The following ZNF783 variants were observed in gnomAD, a reference collection of about 807,000 sequenced individuals.
ZNF783 encodes the protein protein ZNF783.
A neutral mutation model predicts 31.3 loss-of-function variants in ZNF783; 25 were observed. The observed-to-expected ratio is 0.80, with a 90% CI of 0.58 to 1.11. The LOEUF (loss-of-function observed/expected upper bound fraction) is 1.11, where lower values mean the gene tolerates loss of function less well. Ranked by LOEUF, ZNF783 falls within the 50% of genes most tolerant of loss-of-function variation. The pLI is 0.00. For missense variants in ZNF783, 797 were observed against 760.0 expected (o/e 1.05, Z -0.57); for synonymous variants, 369 against 319.1 (o/e 1.16, Z -1.66).
Position 149,278,488 on chromosome 7 carries a change from G to A in ZNF783, c.763G>A (p.Asp255Asn), listed in dbSNP as rs1797385907. ...AGGGCAGGCCCCCAAGCAGCAGCAG[G>A]ACTCAGAGGCGAGAGTGGCCCCAGC... Reference protein sequence around the residue: ...KEGQAPKQQQDSEARVAPAGP... With the variant: ...KEGQAPKQQQNSEARVAPAGP... Residue 255 changes from aspartate to asparagine, a missense_variant, in exon 5 of 6, where the codon GAC becomes AAC. By Grantham distance (23) the Asp-to-Asn change is conservative. Transcript: ENST00000434415. The A allele has an allele frequency of 1.3e-6, 2 of 1,599,222 alleles. No individual in the cohort carries two copies. The highest frequency in any genetic ancestry group is 1.7e-6 in the Non-Finnish European group (2 of 1,179,780).
intron 4 of ZNF783, among the ~76,000 whole-genome samples, chr7:149,272,293 A>G (rs1797225987): frequency 6.6e-6 from 1 of 152,190 alleles, no homozygotes; most frequent in Non-Finnish European, 1.5e-5. Flanking sequence ...GAGATTACAT[A>G]TGAGCCACTG....
rs1797100503 is a variant in ZNF783, at chr7:149,267,230, T to C, written c.673+8T>C. On this transcript the variant is annotated splice_region_variant and intron_variant, in intron 4 of 5. Coordinates refer to ENST00000434415, the MANE Select transcript of ZNF783 (RefSeq NM_001195220.2). Reference sequence around the variant, plus strand: ...CAAGGATGATGGGCACTGGTAAGTATAGGAGCCAGATGTGGTTGGGGGGCC... The same window carrying C: ...CAAGGATGATGGGCACTGGTAAGTACAGGAGCCAGATGTGGTTGGGGGGCC... 6.3e-7 allele frequency: 1 copy of C among 1,582,352 alleles called. No individual in the cohort carries two copies. Among genetic ancestry groups the C allele is most frequent in the Middle Eastern group, 1.7e-4 (1 of 5,966 alleles).
At chr7:149,273,552 T>G (rs1220465953) in intron 4 of ZNF783, among the ~76,000 whole-genome samples, 1 of 152,114 alleles carries the variant, frequency 6.6e-6, no homozygotes, top group Non-Finnish European at 1.5e-5. Context: ...TACTTTTTTT[T>G]TTTTTTGAGA....
chr7:149,263,264 A>ATGTGTG (rs1796980472), intron 1 of ZNF783, among the ~76,000 whole-genome samples: 1 of 105,984 alleles, frequency 9.4e-6, no homozygotes, highest in Non-Finnish European at 1.9e-5. Flanking sequence ...ATATATATAT[A>ATGTGTG]CGTGTGTGTG....
chr7:149,263,304 G>GTGTGTGTGTATA (rs1459712064), intron 1 of ZNF783, among the ~76,000 whole-genome samples: 1 of 64,318 alleles, frequency 1.6e-5, no homozygotes, highest in Non-Finnish European at 3.0e-5. Context: ...GTGTGTGTGT[G>GTGTGTGTGTATA]TATATATATA....
intron 4 of ZNF783, chr7:149,278,198 G>A: frequency 7.3e-7 from 1 of 1,373,898 alleles, no homozygotes; most frequent in Non-Finnish European, 9.4e-7. Flanking sequence ...TTCCTGTGCT[G>A]CAGTTTCCTT....
At chr7:149,270,764 A>T (rs1291496241) in intron 4 of ZNF783, among the ~76,000 whole-genome samples, 1 of 152,180 alleles carries the variant, frequency 6.6e-6, no homozygotes, top group Admixed American at 6.5e-5. Flanking sequence ...CAGACCTGGA[A>T]TCAAAATGTC....
intron 4 of ZNF783, among the ~76,000 whole-genome samples, chr7:149,274,493 G>A (rs1797281758): frequency 6.6e-6 from 1 of 152,064 alleles, no homozygotes; most frequent in African/African-American, 2.4e-5. Context: ...AGCCTCCTGA[G>A]TAGCTGGGAC....
chr7:149,276,496 A>G (rs1797332080), intron 4 of ZNF783: 1 of 985,370 alleles, frequency 1.0e-6, no homozygotes. Context: ...CCGTACGTAA[A>G]GGGGAATCGG....
chr7:149,262,200 C>A lies in ZNF783; in HGVS notation c.-134C>A. 2.6e-6 allele frequency: 2 copies of A among 767,052 alleles called. No individual in the cohort carries two copies. The highest frequency in any genetic ancestry group is 1.9e-5 in the African/African-American group (1 of 53,554). 47.5% of individuals were successfully genotyped at this position (767,052 alleles called of 1,614,324 possible). On this transcript the variant is annotated 5_prime_UTR_variant, in exon 1 of 6. Transcript: ENST00000434415. The stretch of plus-strand genomic sequence containing the variant: ...GGCCAGCGGGGCACGTGGCTCGGGA[C>A]GCAGTTCGCTGCCGCCCGGCAGTAG...
At position 149,284,182 on chromosome 7, in the gene ZNF783, C is replaced by T. The variant is rs73482005; in HGVS notation, c.*1839C>T. The T allele has an allele frequency of 0.037, 5,707 of 152,302 alleles. 188 individuals carry two copies. The highest frequency in any genetic ancestry group is 0.087 in the African/African-American group (3,628 of 41,522). The allele number at this position is 152,302 out of a possible 1,614,324, so 9.4% of individuals were successfully genotyped here. A position where few individuals can be genotyped will look rare whatever the true frequency, so the allele number is the denominator to read the frequency against. On this transcript the variant is annotated 3_prime_UTR_variant, in exon 6 of 6. Transcript: ENST00000434415. ...CTCTGAAGCTGGAGTGATGGGACCC[C>T]AGCTATCCTTGTTTTTTACCGCCTT... is the stretch of plus-strand genomic sequence containing the variant.
intron 4 of ZNF783, chr7:149,276,169 GC>G (rs1391202545): frequency 4.6e-6 from 1 of 216,698 alleles, no homozygotes; most frequent in Non-Finnish European, 7.9e-6. Flanking sequence ...GGGATTACAG[GC>G]ATGAGCCACT....
At chr7:149,267,722 G>A (rs1460512664) in intron 4 of ZNF783, among the ~76,000 whole-genome samples, 4 of 152,122 alleles carry the variant, frequency 2.6e-5, no homozygotes, top group African/African-American at 7.2e-5. Flanking sequence ...GCGTGAACCC[G>A]GGAGGCGGAG....
In ZNF783 at chr7:149,266,999, G is replaced by A. The variant is rs561711083; in HGVS notation, c.547+54G>A. The A allele has an allele frequency of 1.0e-4, 163 of 1,613,762 alleles. 1 individual carries two copies. The highest frequency in any genetic ancestry group is 1.3e-4 in the Non-Finnish European group (151 of 1,180,022). ...TCTGTCCACAGGTTGTCTGTGGACA[G>A]TCTGTGTCTTTGCTTTGGCTTTTGG... is the stretch of plus-strand genomic sequence containing the variant. On this transcript the variant is annotated intron_variant, in intron 3 of 5. Coordinates refer to ENST00000434415, the MANE Select transcript of ZNF783 (RefSeq NM_001195220.2).
At chr7:149,265,556 C>T (rs897237392) in intron 1 of ZNF783, among the ~76,000 whole-genome samples, 44 of 152,154 alleles carry the variant, frequency 2.9e-4, no homozygotes, top group Non-Finnish European at 2.2e-4. Context: ...CTTACAAGGG[C>T]GCTAATCCTA....
rs1563199733 is a variant in ZNF783, at chr7:149,281,610, G to T, written c.908G>T (p.Arg303Leu). ...GGCCAGACCGAGTGTAGAATCCCCC[G>T]AGGGCCCAGGAACAGGCCTGGGGGC... The part of the protein sequence containing the change: ...SRGQTECRIP[R>L]GPRNRPGGPS... The change falls in exon 6 of 6, where the codon CGA becomes CTA. Residue 303 changes from arginine to leucine, a missense_variant. By Grantham distance (102) the Arg-to-Leu change is moderately radical (BLOSUM62 -2). Transcript: ENST00000434415. The T allele has an allele frequency of 6.5e-7, 1 of 1,547,706 alleles. No homozygotes were observed. Among genetic ancestry groups the T allele is most frequent in the Admixed American group, 2.0e-5 (1 of 51,126 alleles).
In ZNF783 at chr7:149,281,941, T is replaced by C; in HGVS notation, c.1239T>C (p.Pro413=). 1.9e-6 allele frequency: 3 copies of C among 1,555,074 alleles called. No homozygotes were observed. The highest frequency in any genetic ancestry group is 2.3e-5 in the East Asian group (1 of 43,580). Residue 413 remains proline (P), a synonymous_variant, in exon 6 of 6, where the codon CCT becomes CCC. Coordinates refer to ENST00000434415, the MANE Select transcript of ZNF783 (RefSeq NM_001195220.2). ...TCATCCGCTGGCTCCCCGAGGAGCC[T>C]GAGGGTCGCCGCTCCGTGGCAGGGG... ...GPVIRWLPEE[P]EGRRSVAGGR... is the part of the protein sequence containing the mutation.
Position 149,282,116 on chromosome 7 carries a change from G to T in ZNF783, c.1414G>T (p.Gly472Cys). ...GGGCTGGCCCGCCTGCCCCTACTGC[G>T]GCAAGGCCTTCCGCCGGCCCTCGGA... The part of the protein sequence containing the change: ...GQGWPACPYC[G>C]KAFRRPSDLF... The change falls in exon 6 of 6, where the codon GGC (glycine) becomes TGC (cysteine). Residue 472 changes from glycine (G) to cysteine (C), a missense_variant. Transcript: ENST00000434415. The T allele has an allele frequency of 6.3e-7, 1 of 1,598,640 alleles. No homozygotes were observed. Among genetic ancestry groups the T allele is most frequent in the Admixed American group, 1.7e-5 (1 of 59,928 alleles).
intron 4 of ZNF783, among the ~76,000 whole-genome samples, chr7:149,274,754 C>G (rs1242139470): frequency 1.3e-5 from 2 of 152,122 alleles, no homozygotes; most frequent in Admixed American, 6.6e-5. Flanking sequence ...TTCTGTTGTT[C>G]TATTTGTCTT....
Sources: gnomAD v4.1 joint callset for allele counts (sites outside exome capture counted in the v4.1 genomes callset) on GRCh38, gnomAD v4.1.1 for gene constraint, MANE v1.5 for transcripts, NCBI Gene and HGNC (gene_info 2026-07-23, HGNC 2026-07-21) for gene names.